EPHA2: variants seen among roughly 807,000 people sequenced by gnomAD.
EPHA2 encodes the protein ephrin type-A receptor 2.
Under a neutral mutation model 104.9 loss-of-function variants are expected in EPHA2, and 54 were observed. The ratio of observed to expected loss-of-function variants is 0.51; its 90% confidence interval spans 0.41 to 0.65. The LOEUF (loss-of-function observed/expected upper bound fraction) is 0.65. Ranked by LOEUF, EPHA2 falls within the 30% of genes least tolerant of loss-of-function variation. The pLI is 0.00. For missense variants in EPHA2, 1,117 were observed against 1,369.5 expected (o/e 0.82, Z 2.91); for synonymous variants, 560 against 559.1 (o/e 1.00, Z -0.02).
rs2024674879 is a variant in EPHA2, at chr1:16,135,832, G to C, written c.1313-62C>G. ...GCTGCCTACGAGCAGGCAGGGTTTGGGGGGACAAGTGGACGTGGAGCCACA... is the reference window on the plus strand; with the variant it reads ...GCTGCCTACGAGCAGGCAGGGTTTGCGGGGACAAGTGGACGTGGAGCCACA... On this transcript the variant is annotated intron_variant, in intron 5 of 16. Transcript: ENST00000358432. This position sits in a 1 kb window ranked among gnomAD's most constrained non-coding sequence, Gnocchi z 4.3. The C allele has an allele frequency of 2.5e-6, 2 of 807,046 alleles. No individual in the cohort carries two copies. Among genetic ancestry groups the C allele is most frequent in the South Asian group, 1.3e-5 (1 of 74,076 alleles). 50.0% of individuals were successfully genotyped at this position (807,046 alleles called of 1,614,324 possible). A position where few individuals can be genotyped will look rare whatever the true frequency, so the allele number is the denominator to read the frequency against.
In EPHA2 at chr1:16,130,124, C is replaced by A. The variant is rs1021408697; in HGVS notation, c.2669+102G>T. Reference sequence around the variant, plus strand: ...ACACATAACCTCTTAGCCCCCAGCACCCCCCCTACCAGCTTCACCTGGGTG... The same window carrying A: ...ACACATAACCTCTTAGCCCCCAGCAACCCCCCTACCAGCTTCACCTGGGTG... On this transcript the variant is annotated intron_variant, in intron 15 of 16. Coordinates refer to ENST00000358432, the MANE Select transcript of EPHA2 (RefSeq NM_004431.5). The surrounding 1 kb of genome is among the most constrained non-coding windows in gnomAD (Gnocchi z 4.5). 7 of 1,494,418 alleles carry A rather than the reference C, an allele frequency of 4.7e-6. No homozygotes were observed. The highest frequency in any genetic ancestry group is 2.8e-5 in the African/African-American group (2 of 72,444). 92.6% of individuals were successfully genotyped at this position (1,494,418 alleles called of 1,614,324 possible). A position where few individuals can be genotyped will look rare whatever the true frequency, so the allele number is the denominator to read the frequency against.
At position 16,155,835 on chromosome 1, in the gene EPHA2, C is replaced by A; in HGVS notation, c.85+13G>T. 7.0e-7 allele frequency: 1 copy of A among 1,426,448 alleles called. No homozygotes were observed. Among genetic ancestry groups the A allele is most frequent in the Non-Finnish European group, 9.1e-7 (1 of 1,094,108 alleles). The allele number at this position is 1,426,448 out of a possible 1,614,324, so 88.4% of individuals were successfully genotyped here. On this transcript the variant is annotated intron_variant, in intron 1 of 16. Coordinates refer to ENST00000358432, the MANE Select transcript of EPHA2 (RefSeq NM_004431.5). The stretch of plus-strand genomic sequence containing the variant: ...GCCCGGGGGCCAGGGGTCCAGACGC[C>A]GCGCGCACTCACCTTCCTTGCCCTG...
intron 1 of EPHA2, chr1:16,153,068 G>T: frequency 1.0e-6 from 1 of 960,794 alleles, no homozygotes; most frequent in Non-Finnish European, 1.2e-6. Flanking sequence ...TCCTGGAGAG[G>T]CTTAGGCTAA....
At chr1:16,146,894 T>C (rs1241573164) in intron 3 of EPHA2, among the ~76,000 whole-genome samples, 1 of 152,236 alleles carries the variant, frequency 6.6e-6, no homozygotes, top group Non-Finnish European at 1.5e-5. Flanking sequence ...TTTCTCATTT[T>C]ACTCAAAGGA....
rs112363312 is a variant in EPHA2, at chr1:16,130,536, G to A, written c.2476-117C>T. On this transcript the variant is annotated intron_variant, in intron 14 of 16. Coordinates refer to ENST00000358432, the MANE Select transcript of EPHA2 (RefSeq NM_004431.5). This position sits in a 1 kb window ranked among gnomAD's most constrained non-coding sequence, Gnocchi z 4.5. ...GGGGAACAGGAACATCCCAGAAACA[G>A]ACAGGAAGGGCCTTTCTTGAGCTGC... 4,174 of 1,021,228 alleles carry A rather than the reference G, an allele frequency of 4.1e-3. 141 individuals carry two copies. The African/African-American group carries it at 0.058, about 14-fold the overall frequency. The allele number at this position is 1,021,228 out of a possible 1,614,324, so 63.3% of individuals were successfully genotyped here.
chr1:16,134,936 G>A lies in EPHA2; in HGVS notation c.1582+100C>T. ...CCCAGGCCGCCGGTGACCGAGAAAGGGGCATTTCTAAGTTATTTGATTCAC... is the reference window on the plus strand; with the variant it reads ...CCCAGGCCGCCGGTGACCGAGAAAGAGGCATTTCTAAGTTATTTGATTCAC... On this transcript the variant is annotated intron_variant, in intron 7 of 16. Transcript: ENST00000358432. This position sits in a 1 kb window ranked among gnomAD's most constrained non-coding sequence, Gnocchi z 4.5. 6.4e-7 allele frequency: 1 copy of A among 1,559,690 alleles called. No homozygotes were observed. The highest frequency in any genetic ancestry group is 1.1e-5 in the South Asian group (1 of 87,440).
intron 3 of EPHA2, among the ~76,000 whole-genome samples, chr1:16,146,243 G>T (rs984272945): frequency 1.4e-4 from 22 of 152,128 alleles, no homozygotes; most frequent in African/African-American, 5.1e-4. Flanking sequence ...CGGAAATTTC[G>T]CTCTTGGAAA....
At position 16,137,191 on chromosome 1, in the gene EPHA2, G is replaced by A. The variant is rs555291535; in HGVS notation, c.1312+662C>T. Among the ~76,000 whole-genome samples, 6 of 152,242 alleles carry A rather than the reference G, an allele frequency of 3.9e-5. No homozygotes were observed. In the East Asian group the frequency reaches 7.7e-4, roughly 20 times the overall value. Reference sequence around the variant, plus strand: ...GCCCACAGTCACAGAGCTCAGAAGCGGCTCTGGAGCAGGAGTGTCCAATCT... The same window carrying A: ...GCCCACAGTCACAGAGCTCAGAAGCAGCTCTGGAGCAGGAGTGTCCAATCT... On this transcript the variant is annotated intron_variant, in intron 5 of 16. Coordinates refer to ENST00000358432, the MANE Select transcript of EPHA2 (RefSeq NM_004431.5).
In EPHA2 at chr1:16,130,139, T is replaced by G. The variant is rs2024545837; in HGVS notation, c.2669+87A>C. 2 of 1,575,766 alleles carry G rather than the reference T, an allele frequency of 1.3e-6. No homozygotes were observed. Among genetic ancestry groups the G allele is most frequent in the Admixed American group, 3.4e-5 (2 of 59,540 alleles). ...GCCCCCAGCACCCCCCCTACCAGCTTCACCTGGGTGGCCACTCTACCGAAG... is the reference window on the plus strand; with the variant it reads ...GCCCCCAGCACCCCCCCTACCAGCTGCACCTGGGTGGCCACTCTACCGAAG... On this transcript the variant is annotated intron_variant, in intron 15 of 16. Coordinates refer to ENST00000358432, the MANE Select transcript of EPHA2 (RefSeq NM_004431.5). This position sits in a 1 kb window ranked among gnomAD's most constrained non-coding sequence, Gnocchi z 4.5.
At chr1:16,144,286 C>A (rs958558946) in intron 3 of EPHA2, among the ~76,000 whole-genome samples, 1 of 152,122 alleles carries the variant, frequency 6.6e-6, no homozygotes, top group African/African-American at 2.4e-5. Context: ...CCACCGTGGT[C>A]CCACCTCTGT....
chr1:16,144,890 T>C (rs1245079751), intron 3 of EPHA2, among the ~76,000 whole-genome samples: 1 of 152,218 alleles, frequency 6.6e-6, no homozygotes, highest in East Asian at 1.9e-4. Flanking sequence ...CCTCTCTGGG[T>C]TGTGTGTGAA....
chr1:16,148,177 CA>C lies in EPHA2; in HGVS notation c.823+200del, dbSNP rs2024966969. Among the ~76,000 whole-genome samples, 1 of 152,144 alleles carries C rather than the reference CA, an allele frequency of 6.6e-6. No homozygotes were observed. Among genetic ancestry groups the C allele is most frequent in the Admixed American group, 6.5e-5 (1 of 15,268 alleles). ...AGGCATGAGCCACCGTGCCCAGCCA[CA>C]ATTCATTCATTCTTAATGAATGAGT... On this transcript the variant is annotated intron_variant, in intron 3 of 16. Coordinates refer to ENST00000358432, the MANE Select transcript of EPHA2 (RefSeq NM_004431.5). This position sits in a 1 kb window ranked among gnomAD's most constrained non-coding sequence, Gnocchi z 4.9.
chr1:16,144,603 C>T (rs1439178588), intron 3 of EPHA2, among the ~76,000 whole-genome samples: 5 of 152,224 alleles, frequency 3.3e-5, no homozygotes, highest in Non-Finnish European at 5.9e-5. Flanking sequence ...ACAGCTTCCC[C>T]GGTGTTCAGA....
rs376510280 is a variant in EPHA2, at chr1:16,130,432, G to A, written c.2476-13C>T. On this transcript the variant is annotated splice_polypyrimidine_tract_variant and intron_variant, in intron 14 of 16. Coordinates refer to ENST00000358432, the MANE Select transcript of EPHA2 (RefSeq NM_004431.5). This position sits in a 1 kb window ranked among gnomAD's most constrained non-coding sequence, Gnocchi z 4.5. ...TGGCTTTCATCACCTGGCGGGGCAC[G>A]AAGGTCAGGGGCGCTGTTGCAGAAA... The A allele has an allele frequency of 1.7e-5, 26 of 1,542,016 alleles. No homozygotes were observed. Among genetic ancestry groups the A allele is most frequent in the East Asian group, 1.1e-4 (5 of 43,896 alleles).
intron 3 of EPHA2, among the ~76,000 whole-genome samples, chr1:16,145,479 A>AAGGTGCC (rs1325120520): frequency 1.3e-5 from 2 of 152,058 alleles, no homozygotes; most frequent in Non-Finnish European, 2.9e-5. Context: ...TAACCTAGAC[A>AAGGTGCC]AGGTGCCAGG....
Position 16,138,176 on chromosome 1 carries a change from G to C in EPHA2, c.989C>G (p.Ser330Cys), listed in dbSNP as rs1557508854. ...CACGGCTGTGAGGTAGTGTGGGGCG[G>C]AGGGGGGTCCTGCACAGACAGGAGG... is the stretch of plus-strand genomic sequence containing the variant. Reference protein sequence around the residue: ...PASMPCTRPPSAPHYLTAVGM... With the variant: ...PASMPCTRPPCAPHYLTAVGM... Residue 330 changes from serine (S) to cysteine (C), a missense_variant, in exon 5 of 17, where the codon TCC (serine) becomes TGC (cysteine). Transcript: ENST00000358432. 3 of 1,609,754 alleles carry C rather than the reference G, an allele frequency of 1.9e-6. No individual in the cohort carries two copies. The highest frequency in any genetic ancestry group is 2.5e-6 in the Non-Finnish European group (3 of 1,179,922).
Position 16,148,898 on chromosome 1 carries a change from A to G in EPHA2, c.303T>C (p.Thr101=), listed in dbSNP as rs779193586. The change falls in exon 3 of 17, where the codon ACT becomes ACC. Residue 101 remains threonine (T), a synonymous_variant. Transcript: ENST00000358432. The surrounding 1 kb of genome is among the most constrained non-coding windows in gnomAD (Gnocchi z 4.9). ...AERIFIELKF[T]VRDCNSFPGG... Reference sequence around the variant, plus strand: ...CAGGGAAGCTGTTGCAGTCACGTACAGTAAACTTGAGCTCAATGAAGATAC... The same window carrying G: ...CAGGGAAGCTGTTGCAGTCACGTACGGTAAACTTGAGCTCAATGAAGATAC... The G allele has an allele frequency of 5.0e-6, 8 of 1,614,176 alleles. No individual in the cohort carries two copies. In the East Asian group the frequency reaches 1.3e-4, roughly 27 times the overall value.
chr1:16,132,587 A>T, intron 11 of EPHA2, 148 bp from the exon 12 acceptor site: 7 of 746,628 alleles, frequency 9.4e-6, no homozygotes, highest in Admixed American at 2.1e-5. Flanking sequence ...GGGTGGGTAC[A>T]GGTATGGGGA....
At position 16,131,926 on chromosome 1, in the gene EPHA2, T is replaced by C; in HGVS notation, c.2326-56A>G. 4.4e-6 allele frequency: 7 copies of C among 1,603,618 alleles called. No individual in the cohort carries two copies. The highest frequency in any genetic ancestry group is 6.0e-6 in the Non-Finnish European group (7 of 1,174,504). On this transcript the variant is annotated intron_variant, in intron 13 of 16. Coordinates refer to ENST00000358432, the MANE Select transcript of EPHA2 (RefSeq NM_004431.5). The surrounding 1 kb of genome is among the most constrained non-coding windows in gnomAD (Gnocchi z 5.2). ...TGCCCTCTGGCTGGCCCCAGGACCA[T>C]TGCAGCCAAGCCCCACGACCCCTCC...
Sources: allele counts gnomAD v4.1 joint callset (sites outside exome capture counted in the v4.1 genomes callset), GRCh38; gene constraint gnomAD v4.1.1; non-coding constraint Gnocchi (gnomAD v3.1); transcripts MANE v1.5; gene names NCBI Gene and HGNC (gene_info 2026-07-23, HGNC 2026-07-21).